SPTA1: variants seen among roughly 807,000 people sequenced by gnomAD.
SPTA1 encodes the protein spectrin alpha chain, erythrocytic 1.
In SPTA1, 177 loss-of-function variants were observed where a neutral mutation model predicts 324.7. The ratio of observed to expected loss-of-function variants is 0.55; its 90% confidence interval spans 0.48 to 0.62. The LOEUF is 0.62. SPTA1 is among the 20% of genes least tolerant of loss of function. The pLI, the probability that SPTA1 is intolerant of heterozygous loss-of-function variation, is 0.00. For missense variants in SPTA1, 3,162 were observed against 2,883.6 expected, an observed-to-expected ratio of 1.10 and a Z score of -2.21; for synonymous variants, 1,195 against 1,041.3, an observed-to-expected ratio of 1.15 and a Z score of -2.84.
chr1:158,629,009 T>C (rs1024574878), intron 39 of SPTA1, among the ~76,000 whole-genome samples: 2 of 152,024 alleles, frequency 1.3e-5, no homozygotes, highest in African/African-American at 2.4e-5. Flanking sequence ...AAATAATTAA[T>C]ACCAATTATT....
In SPTA1 at chr1:158,622,971, AT is replaced by A. The variant is rs750152009; in HGVS notation, c.6120+11del. The A allele has an allele frequency of 8.7e-4, 1,395 of 1,611,934 alleles. 3 individuals are homozygous for A. The highest frequency in any genetic ancestry group is 9.9e-4 in the Non-Finnish European group (1,167 of 1,178,092). On this transcript the variant is annotated intron_variant, in intron 43 of 51. Transcript: ENST00000643759. ...AACAGAGAACTGATCATGCCTCATA[AT>A]TTTTTTAAACCTTCTGTAGAGGCAG... is the stretch of plus-strand genomic sequence containing the variant.
intron 18 of SPTA1, among the ~76,000 whole-genome samples, chr1:158,659,524 AGGCTCTG>A (rs1653048720): frequency 1.3e-5 from 2 of 151,594 alleles, no homozygotes; most frequent in South Asian, 4.2e-4. Context: ...ACCCATCTCT[AGGCTCTG>A]GGAAACTCCA....
At chr1:158,669,907 A>T in intron 12 of SPTA1, 121 bp from the exon 13 acceptor site, 1 of 881,390 alleles carries the variant, frequency 1.1e-6, no homozygotes, top group South Asian at 1.3e-5. Context: ...TTTGAAGGCC[A>T]GCAGATGTAA....
chr1:158,667,407 G>T (rs1456106473), intron 15 of SPTA1, among the ~76,000 whole-genome samples: 1 of 152,140 alleles, frequency 6.6e-6, no homozygotes, highest in Non-Finnish European at 1.5e-5. Context: ...AGATCAACAA[G>T]TCATCAGTCT....
chr1:158,641,931 C>A (rs1651619263), intron 33 of SPTA1, among the ~76,000 whole-genome samples: 1 of 152,162 alleles, frequency 6.6e-6, no homozygotes, highest in South Asian at 2.1e-4. Flanking sequence ...CAATGGTAGA[C>A]TGGATTAAGA....
intron 42 of SPTA1, among the ~76,000 whole-genome samples, chr1:158,625,708 T>A (rs1340723604): frequency 6.6e-6 from 1 of 151,744 alleles, no homozygotes; most frequent in African/African-American, 2.4e-5. Flanking sequence ...ATGACAAAAT[T>A]TGCAAAATGC....
At position 158,669,761 on chromosome 1, in the gene SPTA1, A is replaced by G; in HGVS notation, c.1625T>C (p.Leu542Ser). The change falls in exon 13 of 52, where the codon TTG becomes TCG. Residue 542 changes from leucine to serine, a missense_variant. Leu to Ser is a moderately radical substitution (Grantham distance 145, BLOSUM62 -2). Coordinates refer to ENST00000643759, the MANE Select transcript of SPTA1 (RefSeq NM_003126.4). ...IITVDKTATK[L>S]IGDDHYDSEN... ...TGAATCATAATGGTCATCACCAATCAATTTGGTTGCAGTCTTGTCTACAGT... is the reference window on the plus strand; with the variant it reads ...TGAATCATAATGGTCATCACCAATCGATTTGGTTGCAGTCTTGTCTACAGT... The G allele has an allele frequency of 6.2e-7, 1 of 1,614,054 alleles. No homozygotes were observed.
At chr1:158,627,873 A>G in intron 39 of SPTA1, 150 bp from the exon 40 acceptor site, 2 of 737,628 alleles carry the variant, frequency 2.7e-6, no homozygotes, top group Admixed American at 4.2e-5. Flanking sequence ...GAATAACTAT[A>G]CTCAATTGCT....
chr1:158,616,486 C>T (rs552876556), intron 47 of SPTA1, among the ~76,000 whole-genome samples: 6 of 151,670 alleles, frequency 4.0e-5, no homozygotes, highest in African/African-American at 7.3e-5. Flanking sequence ...CTCCCACCTA[C>T]GAGTGAGAAC....
chr1:158,643,581 A>C (rs567229881), intron 30 of SPTA1, among the ~76,000 whole-genome samples, 156 bp from the exon 31 acceptor site: 1 of 152,312 alleles, frequency 6.6e-6, no homozygotes, highest in South Asian at 2.1e-4. Flanking sequence ...GGTGGGTTTC[A>C]ACTTAATAGG....
Position 158,638,163 on chromosome 1 carries a change from T to C in SPTA1, c.5059A>G (p.Lys1687Glu), listed in dbSNP as rs1163816110. ...GTFNVDQIVK[K>E]KDNVNKRFLN... is the part of the protein sequence containing the mutation. The stretch of plus-strand genomic sequence containing the variant: ...AAACGCTTGTTGACATTATCTTTTT[T>C]CTTCACAATCTGATCAACGTTGAAA... Residue 1687 changes from lysine to glutamate, a missense_variant, in exon 36 of 52, where the codon AAA (lysine) becomes GAA (glutamate). Coordinates refer to ENST00000643759, the MANE Select transcript of SPTA1 (RefSeq NM_003126.4). 15 of 1,613,900 alleles carry C rather than the reference T, an allele frequency of 9.3e-6. No homozygotes were observed. In the Admixed American group the frequency reaches 2.5e-4, roughly 27 times the overall value.
chr1:158,638,882 T>C (rs1039957504), intron 35 of SPTA1, among the ~76,000 whole-genome samples: 1 of 152,058 alleles, frequency 6.6e-6, no homozygotes, highest in Non-Finnish European at 1.5e-5. Context: ...GATTGATTGA[T>C]TCAATATTCA....
At chr1:158,632,577 T>C (rs550238605) in intron 39 of SPTA1, among the ~76,000 whole-genome samples, 1 of 152,210 alleles carries the variant, frequency 6.6e-6, no homozygotes, top group South Asian at 2.1e-4. Flanking sequence ...CATTATCCAT[T>C]AAGGAAATGC....
intron 39 of SPTA1, among the ~76,000 whole-genome samples, chr1:158,627,937 G>A (rs187100884): frequency 1.4e-4 from 22 of 152,102 alleles, no homozygotes; most frequent in African/African-American, 5.3e-4. Context: ...AAGAGTCAAA[G>A]ATATACAAGT....
rs1164730625 is a variant in SPTA1, at chr1:158,667,910, C to G, written c.1986G>C (p.Leu662=). Residue 662 remains leucine, a synonymous_variant, in exon 15 of 52, where the codon CTG becomes CTC. Transcript: ENST00000643759. ...HYASDNVTTR[L]SEVASLWEEL... The stretch of plus-strand genomic sequence containing the variant: ...CCTCCCAGAGGCTGGCAACTTCACT[C>G]AGACGAGTGGTCACATTGTCAGAGG... 6.2e-6 allele frequency: 10 copies of G among 1,614,040 alleles called. No homozygotes were observed. In the Admixed American group the frequency reaches 1.7e-4, roughly 27 times the overall value.
chr1:158,619,625 G>T (rs967542185), intron 44 of SPTA1, among the ~76,000 whole-genome samples: 1 of 152,088 alleles, frequency 6.6e-6, no homozygotes, highest in African/African-American at 2.4e-5. Flanking sequence ...TTCTTTTGGG[G>T]AAATTTAATT....
rs143715958 is a variant in SPTA1, at chr1:158,680,555, C to T, written c.678+28G>A. 6.1e-5 allele frequency: 98 copies of T among 1,613,318 alleles called. No individual in the cohort carries two copies. In the African/African-American group the frequency reaches 9.1e-4, roughly 15 times the overall value. ...TTCTTAAGGATAAGAACCCTTTGCACGGAGTGAATATTTTGCTCCCACCTC... is the reference window on the plus strand; with the variant it reads ...TTCTTAAGGATAAGAACCCTTTGCATGGAGTGAATATTTTGCTCCCACCTC... On this transcript the variant is annotated intron_variant, in intron 5 of 51. Transcript: ENST00000643759.
At chr1:158,635,506 C>T (rs1165195761) in intron 38 of SPTA1, among the ~76,000 whole-genome samples, 1 of 152,102 alleles carries the variant, frequency 6.6e-6, no homozygotes, top group Non-Finnish European at 1.5e-5. Flanking sequence ...CGGACTGATA[C>T]ATTGTGTATG....
At chr1:158,643,290 T>C (rs1651752255) in intron 31 of SPTA1, 32 bp downstream of exon 31, 2 of 1,611,448 alleles carry the variant, frequency 1.2e-6, no homozygotes, top group East Asian at 2.2e-5. Flanking sequence ...TATATCTTCC[T>C]TTGGCACATA....
Sources: allele counts gnomAD v4.1 joint callset (sites outside exome capture counted in the v4.1 genomes callset), GRCh38; gene constraint gnomAD v4.1.1; transcripts MANE v1.5; gene names NCBI Gene and HGNC (gene_info 2026-07-23, HGNC 2026-07-21).